The following CACNA1H variants were observed in gnomAD, a reference collection of about 807,000 sequenced individuals.
CACNA1H encodes calcium voltage-gated channel subunit alpha1 H.
A neutral mutation model predicts 192.5 loss-of-function variants in CACNA1H; 149 were observed. The ratio of observed to expected loss-of-function variants is 0.77; its 90% CI spans 0.68 to 0.89. The LOEUF (loss-of-function observed/expected upper bound fraction) is 0.89, where lower values mean the gene tolerates loss of function less well. Among genes scored for constraint, CACNA1H ranks in the 40% least tolerant of loss-of-function variants. The pLI is 0.00. For missense variants in CACNA1H, 4,257 were observed against 3,423.5 expected (o/e 1.24, Z -6.08); for synonymous variants, 2,202 against 1,475.2 (o/e 1.49, Z -11.29).
chr16:1,170,264 G>A (rs1171047512), intron 2 of CACNA1H, among the ~76,000 whole-genome samples: 1 of 152,210 alleles, frequency 6.6e-6, no homozygotes, highest in Non-Finnish European at 1.5e-5. Flanking sequence ...TTTGTGAGGG[G>A]CGGGCCCCTC....
chr16:1,216,857 G>C, intron 30 of CACNA1H, 75 bp from the exon 31 acceptor site: 1 of 1,217,732 alleles, frequency 8.2e-7, no homozygotes, highest in East Asian at 2.5e-5. Flanking sequence ...TGGCCGAGGC[G>C]CCGAGTGCCC....
At chr16:1,161,477 C>T (rs1166843267) in intron 2 of CACNA1H, among the ~76,000 whole-genome samples, 1 of 152,140 alleles carries the variant, frequency 6.6e-6, no homozygotes, top group Non-Finnish European at 1.5e-5. Flanking sequence ...TTTTTTTGGG[C>T]AAGGTGGTCT....
chr16:1,219,571 C>T (rs1266212030), intron 34 of CACNA1H, among the ~76,000 whole-genome samples: 1 of 152,244 alleles, frequency 6.6e-6, no homozygotes, highest in African/African-American at 2.4e-5. Context: ...TGCCCACCTG[C>T]AGCCTCAGCT....
At chr16:1,200,860 G>GGGGGT (rs1967785672) in intron 8 of CACNA1H, 52 bp downstream of exon 8, 2 of 1,442,280 alleles carry the variant, frequency 1.4e-6, no homozygotes, top group Non-Finnish European at 1.9e-6. Context: ...TTAGCTGGCT[G>GGGGGT]GGGGTGGGGT....
chr16:1,209,710 G>A (rs189856228), intron 17 of CACNA1H, among the ~76,000 whole-genome samples: 209 of 152,286 alleles, frequency 1.4e-3, no homozygotes, highest in African/African-American at 4.8e-3. Flanking sequence ...CTGCTGCCGA[G>A]GCAGGGCCAG....
intron 3 of CACNA1H, 135 bp downstream of exon 3, chr16:1,195,218 G>A: frequency 1.3e-6 from 1 of 769,918 alleles, no homozygotes; most frequent in Non-Finnish European, 2.0e-6. Context: ...TCAGGGCGAG[G>A]TTCACGGCGG....
rs904060362 is a variant in CACNA1H, at chr16:1,218,610, A to T, written c.5846A>T (p.Gln1949Leu). ...PASAPHPRPL[Q>L]EVEMETYGAG... ...TCGGCGCCCCACCCCCGCCCGCTGCAGGAGGTGGAGATGGAGACCTATGGG... is the reference window on the plus strand; with the variant it reads ...TCGGCGCCCCACCCCCGCCCGCTGCTGGAGGTGGAGATGGAGACCTATGGG... Residue 1949 changes from glutamine (Q) to leucine (L), a missense_variant, in exon 33 of 35, where the codon CAG becomes CTG. Coordinates refer to ENST00000348261, the MANE Select transcript of CACNA1H (RefSeq NM_021098.3). 2.0e-5 allele frequency: 32 copies of T among 1,563,448 alleles called. No individual in the cohort carries two copies. Among genetic ancestry groups the T allele is most frequent in the Non-Finnish European group, 2.8e-5 (32 of 1,154,282 alleles).
intron 21 of CACNA1H, 89 bp from the exon 22 acceptor site, chr16:1,211,079 G>A (rs1969388361): frequency 7.7e-6 from 12 of 1,563,684 alleles, no homozygotes; most frequent in East Asian, 4.5e-5. Context: ...CCGCCCACTC[G>A]GCCCCACCTT....
chr16:1,194,946 G>A (rs773324169), intron 2 of CACNA1H, 26 bp from the exon 3 acceptor site: 1 of 1,555,206 alleles, frequency 6.4e-7, no homozygotes, highest in Non-Finnish European at 8.9e-7. Flanking sequence ...GGCCGCGCCG[G>A]TGTGCTCCTT....
chr16:1,157,190 C>T (rs1330236288), intron 2 of CACNA1H: 1 of 152,164 alleles, frequency 6.6e-6, no homozygotes, highest in African/African-American at 2.4e-5. Context: ...GCTTCGGTCC[C>T]TGCGAGAGCG....
At chr16:1,208,835 C>T (rs1263829073) in intron 16 of CACNA1H, among the ~76,000 whole-genome samples, 197 bp from the exon 17 acceptor site, 14 of 152,174 alleles carry the variant, frequency 9.2e-5, no homozygotes, top group African/African-American at 2.4e-4. Context: ...CCCCGCGAGG[C>T]GGACACCCTG....
At position 1,200,343 on chromosome 16, in the gene CACNA1H, C is replaced by T. The variant is rs1487533440; in HGVS notation, c.891C>T (p.Asn297=). ...NPFICSSRRD[N]GMQKCSHIPG... ...TCATCTGCTCCTCACGCCGAGACAA[C>T]GGCATGCAGAAGTGCTCGCACATCC... The change falls in exon 7 of 35, where the codon AAC becomes AAT. Residue 297 remains asparagine (N), a synonymous_variant. Coordinates refer to ENST00000348261, the MANE Select transcript of CACNA1H (RefSeq NM_021098.3). The T allele has an allele frequency of 1.2e-5, 20 of 1,602,324 alleles. No homozygotes were observed. The highest frequency in any genetic ancestry group is 6.8e-5 in the East Asian group (3 of 44,338).
intron 24 of CACNA1H, 67 bp downstream of exon 24, chr16:1,211,872 G>T (rs1228471675): frequency 6.2e-7 from 1 of 1,609,550 alleles, no homozygotes; most frequent in Non-Finnish European, 8.5e-7. Flanking sequence ...TGGCCTCTGG[G>T]GACTCGGGGG....
rs116931466 is a variant in CACNA1H at position 1,171,381 on chromosome 16, C to G, written c.299+17345C>G. Among the ~76,000 whole-genome samples, 971 of 152,284 alleles carry G rather than the reference C, an allele frequency of 6.4e-3. 49 individuals are homozygous for G. In the East Asian group the frequency reaches 0.15, roughly 24 times the overall value. On this transcript the variant is annotated intron_variant, in intron 2 of 34. Coordinates refer to ENST00000348261, the MANE Select transcript of CACNA1H (RefSeq NM_021098.3). ...GCCAGTGGCCCTGGGGACAGGCTTT[C>G]CTTAGAAAGTCACTGGGTTCCCGGG... is the stretch of plus-strand genomic sequence containing the variant.
At chr16:1,163,883 G>A (rs919821845) in intron 2 of CACNA1H, among the ~76,000 whole-genome samples, 7 of 152,218 alleles carry the variant, frequency 4.6e-5, no homozygotes, top group African/African-American at 1.4e-4. Context: ...TGGGCTATGT[G>A]GCGGCCACCT....
intron 14 of CACNA1H, 123 bp downstream of exon 14, chr16:1,207,553 G>C: frequency 8.5e-7 from 1 of 1,181,462 alleles, no homozygotes; most frequent in South Asian, 1.4e-5. Flanking sequence ...GAAGCTGGCT[G>C]CCATGAGGAG....
chr16:1,208,674 G>A (rs988946746), intron 16 of CACNA1H, among the ~76,000 whole-genome samples: 1 of 152,198 alleles, frequency 6.6e-6, no homozygotes, highest in African/African-American at 2.4e-5. Context: ...GAGGATGGGA[G>A]TGAGCCAGAC....
At position 1,209,164 on chromosome 16, in the gene CACNA1H, C is replaced by T. The variant is rs566028361; in HGVS notation, c.3496C>T (p.Leu1166=). The change falls in exon 17 of 35, where the codon CTG becomes TTG. Residue 1166 remains leucine, a synonymous_variant. Coordinates refer to ENST00000348261, the MANE Select transcript of CACNA1H (RefSeq NM_021098.3). ...CGGCCAGTGTGGGGAACGTGAGTCC[C>T]TGCTGTCTGGCGAGGGCAAGGGCAG... is the stretch of plus-strand genomic sequence containing the variant. ...RRGQCGERES[L]LSGEGKGSTD... is the part of the protein sequence containing the mutation. 9 of 1,553,304 alleles carry T rather than the reference C, an allele frequency of 5.8e-6. No homozygotes were observed. In the African/African-American group the frequency reaches 8.2e-5, roughly 14 times the overall value.
Position 1,220,378 on chromosome 16 carries a change from G to A in CACNA1H, c.6446G>A (p.Arg2149Gln), listed in dbSNP as rs762634881. Residue 2149 changes from arginine (R) to glutamine (Q), a missense_variant, in exon 35 of 35, where the codon CGG (arginine) becomes CAG (glutamine). By Grantham distance (43) the Arg-to-Gln change is conservative. Coordinates refer to ENST00000348261, the MANE Select transcript of CACNA1H (RefSeq NM_021098.3). ...CAGGGCTTCCTGGACAAGCCGGGCCGGGCAGACGAGCAGTGGCGGCCCTCG... is the reference window on the plus strand; with the variant it reads ...CAGGGCTTCCTGGACAAGCCGGGCCAGGCAGACGAGCAGTGGCGGCCCTCG... ...DAQGFLDKPG[R>Q]ADEQWRPSAE... 3.0e-5 allele frequency: 45 copies of A among 1,523,562 alleles called. No individual in the cohort carries two copies. The highest frequency in any genetic ancestry group is 1.3e-4 in the African/African-American group (9 of 70,516). 94.4% of individuals were successfully genotyped at this position (1,523,562 alleles called of 1,614,324 possible). A position where few individuals can be genotyped will look rare whatever the true frequency, so the allele number is the denominator to read the frequency against.
Sources: allele counts gnomAD v4.1 joint callset (sites outside exome capture counted in the v4.1 genomes callset), GRCh38; gene constraint gnomAD v4.1.1; transcripts MANE v1.5; gene names NCBI Gene and HGNC (gene_info 2026-07-23, HGNC 2026-07-21).